The following MYO3B variants were observed in gnomAD, a reference collection of about 807,000 sequenced individuals.
MYO3B encodes the protein myosin-IIIb.
A neutral mutation model predicts 174.6 loss-of-function variants in MYO3B; 156 were observed. The ratio of observed to expected loss-of-function variants is 0.89; its 90% CI spans 0.78 to 1.02. The LOEUF (loss-of-function observed/expected upper bound fraction) is 1.02. MYO3B is among the 50% of genes least tolerant of loss of function. MYO3B has a pLI of 0.00. For missense variants in MYO3B, 1,632 were observed against 1,639.4 expected, an observed-to-expected ratio of 1.00 and a Z score of 0.08; for synonymous variants, 563 against 569.1, an observed-to-expected ratio of 0.99 and a Z score of 0.15.
chr2:170,441,627 G>A (rs1379644109), intron 22 of MYO3B, among the ~76,000 whole-genome samples: 3 of 152,228 alleles, frequency 2.0e-5, no homozygotes, highest in Non-Finnish European at 4.4e-5. Flanking sequence ...GATTTGTCAT[G>A]AGTTTTCTGG....
chr2:170,611,880 C>T (rs1322535473), intron 32 of MYO3B, among the ~76,000 whole-genome samples: 1 of 152,212 alleles, frequency 6.6e-6, no homozygotes, highest in Non-Finnish European at 1.5e-5. Flanking sequence ...TGTGGACCTA[C>T]ATCCAAATGT....
intron 25 of MYO3B, 55 bp from the exon 26 acceptor site, chr2:170,498,537 T>C: frequency 7.2e-6 from 9 of 1,246,952 alleles, no homozygotes; most frequent in Non-Finnish European, 9.4e-6. Flanking sequence ...GTAATTCTAC[T>C]ATGCTGAGTC....
chr2:170,299,737 C>CT, intron 7 of MYO3B, among the ~76,000 whole-genome samples: 1 of 152,256 alleles, frequency 6.6e-6, no homozygotes, highest in East Asian at 1.9e-4. Flanking sequence ...TCTCAGGACA[C>CT]TGAGTATAAA....
At chr2:170,627,812 C>T (rs891244318) in intron 32 of MYO3B, among the ~76,000 whole-genome samples, 5 of 152,204 alleles carry the variant, frequency 3.3e-5, no homozygotes, top group African/African-American at 7.2e-5. Context: ...TGTTGGAGGT[C>T]CACTCCAGAC....
intron 6 of MYO3B, among the ~76,000 whole-genome samples, chr2:170,220,500 G>C (rs146216145): frequency 0.023 from 3,468 of 151,134 alleles, 148 homozygotes; most frequent in African/African-American, 0.08. Context: ...AGGATGGCAG[G>C]GGCCTGTAGT....
At chr2:170,625,301 A>AT (rs1456013466) in intron 32 of MYO3B, among the ~76,000 whole-genome samples, 3 of 152,048 alleles carry the variant, frequency 2.0e-5, no homozygotes, top group African/African-American at 7.2e-5. Flanking sequence ...TTGGGAGGGT[A>AT]TATGTGTGGA....
At chr2:170,358,614 A>G (rs1385161223) in intron 8 of MYO3B, among the ~76,000 whole-genome samples, 1 of 152,210 alleles carries the variant, frequency 6.6e-6, no homozygotes, top group African/African-American at 2.4e-5. Context: ...CTATTATAAG[A>G]ATTATTAGCA....
chr2:170,223,034 T>C (rs2092917472), intron 6 of MYO3B, among the ~76,000 whole-genome samples: 1 of 152,126 alleles, frequency 6.6e-6, no homozygotes, highest in Non-Finnish European at 1.5e-5. Context: ...ACGTGGTTCT[T>C]TCTGAAGGTA....
chr2:170,383,687 T>G, intron 11 of MYO3B, 23 bp from the exon 12 acceptor site: 1 of 1,574,702 alleles, frequency 6.4e-7, no homozygotes, highest in Non-Finnish European at 8.7e-7. Flanking sequence ...GGGGAGAGTT[T>G]CCTTTAATTA....
intron 7 of MYO3B, among the ~76,000 whole-genome samples, chr2:170,325,211 G>A (rs575874461): frequency 4.6e-5 from 7 of 151,816 alleles, no homozygotes; most frequent in Non-Finnish European, 1.0e-4. Flanking sequence ...GTTCTGTTTG[G>A]TTTGGTTTTT....
chr2:170,314,601 A>G (rs1223119808), intron 7 of MYO3B, among the ~76,000 whole-genome samples: 7 of 152,218 alleles, frequency 4.6e-5, no homozygotes, highest in Non-Finnish European at 8.8e-5. Context: ...AGCTTTCAGC[A>G]GTTTTTTATA....
intron 30 of MYO3B, among the ~76,000 whole-genome samples, chr2:170,520,377 C>G (rs1688597840): frequency 6.6e-6 from 1 of 151,820 alleles, no homozygotes; most frequent in South Asian, 2.1e-4. Flanking sequence ...CACTTTAGCC[C>G]AGGAATTTGA....
rs2094220795 is a variant in MYO3B, at chr2:170,369,213, T to C, written c.816-9T>C. 6.2e-7 allele frequency: 1 copy of C among 1,611,318 alleles called. No individual in the cohort carries two copies. Among genetic ancestry groups the C allele is most frequent in the East Asian group, 2.2e-5 (1 of 44,838 alleles). Reference sequence around the variant, plus strand: ...GTACTTTGGATTGTTTGTTGGTTTTTGCAAACAGGTGTCTTATTAAGGATT... The same window carrying C: ...GTACTTTGGATTGTTTGTTGGTTTTCGCAAACAGGTGTCTTATTAAGGATT... On this transcript the variant is annotated splice_polypyrimidine_tract_variant and intron_variant, in intron 8 of 34. Coordinates refer to ENST00000408978, the MANE Select transcript of MYO3B (RefSeq NM_138995.5).
intron 25 of MYO3B, among the ~76,000 whole-genome samples, chr2:170,484,959 A>G (rs1685937385): frequency 6.6e-6 from 1 of 152,140 alleles, no homozygotes; most frequent in African/African-American, 2.4e-5. Flanking sequence ...AGAGAAAATT[A>G]TTTATATGGA....
At chr2:170,490,245 G>GTC (rs1385401409) in intron 25 of MYO3B, among the ~76,000 whole-genome samples, 2 of 151,992 alleles carry the variant, frequency 1.3e-5, no homozygotes, top group African/African-American at 4.8e-5. Flanking sequence ...AGCCAGGATG[G>GTC]TCTCGATTTC....
chr2:170,391,679 C>A, intron 15 of MYO3B, 61 bp downstream of exon 15: 1 of 997,026 alleles, frequency 1.0e-6, no homozygotes, highest in Non-Finnish European at 1.5e-6. Flanking sequence ...AGTTGACAAA[C>A]TTGGAAGTAA....
At chr2:170,240,525 T>A (rs1045935655) in intron 7 of MYO3B, among the ~76,000 whole-genome samples, 5 of 152,194 alleles carry the variant, frequency 3.3e-5, no homozygotes, top group African/African-American at 1.2e-4. Flanking sequence ...TCTGAGAAGT[T>A]TGACTCTAAA....
At chr2:170,289,700 T>G (rs1472572357) in intron 7 of MYO3B, among the ~76,000 whole-genome samples, 1 of 152,120 alleles carries the variant, frequency 6.6e-6, no homozygotes, top group African/African-American at 2.4e-5. Flanking sequence ...CAATTTCATT[T>G]ATTTTTGCTC....
intron 23 of MYO3B, among the ~76,000 whole-genome samples, chr2:170,445,989 GA>G (rs60291546): frequency 0.45 from 68,322 of 151,336 alleles, 15,670 homozygotes; most frequent in Admixed American, 0.54. Flanking sequence ...ATTACCAATG[GA>G]AAAATCACAA....
Sources: allele counts gnomAD v4.1 joint callset (sites outside exome capture counted in the v4.1 genomes callset), GRCh38; gene constraint gnomAD v4.1.1; transcripts MANE v1.5; gene names NCBI Gene and HGNC (gene_info 2026-07-23, HGNC 2026-07-21).